POM121L2: variants seen among roughly 807,000 people sequenced by gnomAD.
POM121L2 encodes the protein POM121 transmembrane nucleoporin like 2.
For synonymous variants in POM121L2, 459 were observed against 483.8 expected (o/e 0.95, Z 0.67); for missense variants, 1,167 against 1,260.3 (o/e 0.93, Z 1.12).
Position 27,312,180 on chromosome 6 carries a change from T to A in POM121L2, c.-10A>T. 4 of 1,430,566 alleles carry A rather than the reference T, an allele frequency of 2.8e-6. No homozygotes were observed. The highest frequency in any genetic ancestry group is 3.7e-6 in the Non-Finnish European group (4 of 1,089,530). The allele number at this position is 1,430,566 out of a possible 1,614,324, so 88.6% of individuals were successfully genotyped here. A position where few individuals can be genotyped will look rare whatever the true frequency, so the allele number is the denominator to read the frequency against. ...TCAGGAAACTGCCCATGAGGAGAGA[T>A]GAGGCGCGGGCAGTGAGTTCAAGCA... On this transcript the variant is annotated 5_prime_UTR_variant, in exon 1 of 1. Coordinates refer to ENST00000444565, the MANE Select transcript of POM121L2 (RefSeq NM_033482.4). The surrounding 1 kb of genome is among the most constrained non-coding windows in gnomAD (Gnocchi z 6.7).
chr6:27,310,597 G>A lies in POM121L2; in HGVS notation c.1574C>T (p.Pro525Leu). The A allele has an allele frequency of 6.4e-7, 1 of 1,551,992 alleles. No homozygotes were observed. The highest frequency in any genetic ancestry group is 8.7e-7 in the Non-Finnish European group (1 of 1,147,046). ...CATGAGGTGAGCAGAAGTTGCATCA[G>A]GAGGTGCAGATGCAGAAAGATGGGA... Reference protein sequence around the residue: ...PTSHLSASAPPDATSAHLMLK... With the variant: ...PTSHLSASAPLDATSAHLMLK... The change falls in exon 1 of 1, where the codon CCT (proline) becomes CTT (leucine). Residue 525 changes from proline (P) to leucine (L), a missense_variant. Pro to Leu is a moderately conservative substitution (Grantham distance 98). Coordinates refer to ENST00000444565, the MANE Select transcript of POM121L2 (RefSeq NM_033482.4).
At position 27,309,846 on chromosome 6, in the gene POM121L2, T is replaced by C; in HGVS notation, c.2325A>G (p.Ala775=). 1.9e-6 allele frequency: 3 copies of C among 1,551,726 alleles called. No homozygotes were observed. Among genetic ancestry groups the C allele is most frequent in the African/African-American group, 1.4e-5 (1 of 73,174 alleles). ...GTTTCTGTCCATTTGTGGCACCAAATGCAGGCTGGGGATTAGCTCCTTGGG... is the reference window on the plus strand; with the variant it reads ...GTTTCTGTCCATTTGTGGCACCAAACGCAGGCTGGGGATTAGCTCCTTGGG... ...PLSQGANPQP[A]FGATNGQKQG... The change falls in exon 1 of 1, where the codon GCA becomes GCG. Residue 775 remains alanine, a synonymous_variant. Transcript: ENST00000444565.
At position 27,310,767 on chromosome 6, in the gene POM121L2, C is replaced by T; in HGVS notation, c.1404G>A (p.Leu468=). Residue 468 remains leucine (L), a synonymous_variant, in exon 1 of 1, where the codon CTG becomes CTA. Coordinates refer to ENST00000444565, the MANE Select transcript of POM121L2 (RefSeq NM_033482.4). ...CTGGTAATGTGGGAGAGGTGGGGGT[C>T]AGCAGGATGAAAGTAGCTGTGGGCT... The part of the protein sequence containing the change: ...DSKPTATFIL[L]TPTSPTLPVT... The T allele has an allele frequency of 6.4e-7, 1 of 1,551,728 alleles. No individual in the cohort carries two copies. Among genetic ancestry groups the T allele is most frequent in the Non-Finnish European group, 8.7e-7 (1 of 1,147,016 alleles).
In POM121L2 at chr6:27,311,596, C is replaced by A; in HGVS notation, c.575G>T (p.Arg192Ile). The A allele has an allele frequency of 6.4e-7, 1 of 1,551,756 alleles. No homozygotes were observed. Among genetic ancestry groups the A allele is most frequent in the Non-Finnish European group, 8.7e-7 (1 of 1,147,010 alleles). Residue 192 changes from arginine (R) to isoleucine (I), a missense_variant, in exon 1 of 1, where the codon AGA (arginine) becomes ATA (isoleucine). Coordinates refer to ENST00000444565, the MANE Select transcript of POM121L2 (RefSeq NM_033482.4). Reference sequence around the variant, plus strand: ...CATCAGGGGCTTAAATGCCGATGGTCTGGTCTCTGGACTCCTTCTCTTACT... The same window carrying A: ...CATCAGGGGCTTAAATGCCGATGGTATGGTCTCTGGACTCCTTCTCTTACT... ...LDSKRRSPET[R>I]PSAFKPLMKN...
Position 27,309,533 on chromosome 6 carries a change from C to G in POM121L2, c.2638G>C (p.Val880Leu), listed in dbSNP as rs1356265735. Residue 880 changes from valine to leucine, a missense_variant, in exon 1 of 1, where the codon GTG (valine) becomes CTG (leucine). By Grantham distance (32) the Val-to-Leu change is conservative. Coordinates refer to ENST00000444565, the MANE Select transcript of POM121L2 (RefSeq NM_033482.4). ...GGTTGTGGAGCTCTGCTGCCAAACA[C>G]TGAGCCAAAAGCCCCACTTTGGTGG... ...QTHQSGAFGS[V>L]FGSRAPQPFT... 6.4e-7 allele frequency: 1 copy of G among 1,552,124 alleles called. No homozygotes were observed. The highest frequency in any genetic ancestry group is 8.7e-7 in the Non-Finnish European group (1 of 1,147,090).
Position 27,310,834 on chromosome 6 carries a change from C to T in POM121L2, c.1337G>A (p.Cys446Tyr). The T allele has an allele frequency of 6.4e-7, 1 of 1,551,632 alleles. No homozygotes were observed. The highest frequency in any genetic ancestry group is 8.7e-7 in the Non-Finnish European group (1 of 1,146,962). Residue 446 changes from cysteine to tyrosine, a missense_variant, in exon 1 of 1, where the codon TGC becomes TAC. Transcript: ENST00000444565. ...GCCTGGAAGGAGCTCTGACTGTGAG[C>T]ACCCAGGTGGGGTCGGTAGGCTGGG... ...KTPSLPTPPG[C>Y]SQSELLPGTS... is the part of the protein sequence containing the mutation.
In POM121L2 at chr6:27,310,078, G is replaced by C; in HGVS notation, c.2093C>G (p.Thr698Arg). ...AAGGACCTGGGTAAACATGGTGACT[G>C]TATGCACAGTAGGAATTGTAGGATG... is the stretch of plus-strand genomic sequence containing the variant. ...HHHPTIPTVH[T>R]VTMFTQVLSS... is the part of the protein sequence containing the mutation. The change falls in exon 1 of 1, where the codon ACA becomes AGA. Residue 698 changes from threonine to arginine, a missense_variant. Physicochemically the swap from Thr to Arg is moderately conservative, Grantham distance 71. Coordinates refer to ENST00000444565, the MANE Select transcript of POM121L2 (RefSeq NM_033482.4). 1 of 1,552,216 alleles carries C rather than the reference G, an allele frequency of 6.4e-7. No individual in the cohort carries two copies. Among genetic ancestry groups the C allele is most frequent in the Non-Finnish European group, 8.7e-7 (1 of 1,147,108 alleles).
rs955380944 is a variant in POM121L2 at position 27,308,733 on chromosome 6, C to A, written c.*330G>T. Among the ~76,000 whole-genome samples the A allele has an allele frequency of 6.6e-6, 1 of 152,146 alleles. No individual in the cohort carries two copies. The highest frequency in any genetic ancestry group is 1.5e-5 in the Non-Finnish European group (1 of 68,024). The stretch of plus-strand genomic sequence containing the variant: ...ACGAAAAGATGTTCTAATTGATAGA[C>A]ATTCAACTTATTTGGAAAGTCTGGA... On this transcript the variant is annotated 3_prime_UTR_variant, in exon 1 of 1. Transcript: ENST00000444565.
upstream of POM121L2, chr6:27,311,338 GATACACT>G: frequency 6.4e-7 from 1 of 1,551,650 alleles, no homozygotes; most frequent in Non-Finnish European, 8.7e-7. Context: ...TGTCTCGAAT[GATACACT>G]GGGAACACTT....
In POM121L2 at chr6:27,311,907, G is replaced by C. The variant is rs538835313; in HGVS notation, c.264C>G (p.Pro88=). The part of the protein sequence containing the change: ...RFPMKKSQNS[P]LGPLPSDWWE... Reference sequence around the variant, plus strand: ...ACCAGTCTGAAGGGAGAGGCCCCAGGGGGGAATTCTGGGACTTCTTCATGG... The same window carrying C: ...ACCAGTCTGAAGGGAGAGGCCCCAGCGGGGAATTCTGGGACTTCTTCATGG... Residue 88 remains proline, a synonymous_variant, in exon 1 of 1, where the codon CCC becomes CCG. Transcript: ENST00000444565. 2.6e-6 allele frequency: 4 copies of C among 1,551,704 alleles called. No homozygotes were observed. In the East Asian group the frequency reaches 7.3e-5, roughly 28 times the overall value.
In POM121L2 at chr6:27,309,923, G is replaced by A; in HGVS notation, c.2248C>T (p.Pro750Ser). Residue 750 changes from proline (P) to serine (S), a missense_variant, in exon 1 of 1, where the codon CCA becomes TCA. Physicochemically the swap from Pro to Ser is moderately conservative, Grantham distance 74. Transcript: ENST00000444565. Reference protein sequence around the residue: ...ASTPSISNLTPAITSPLGSSS... With the variant: ...ASTPSISNLTSAITSPLGSSS... ...GATCCCAAGGGACTTGTGATTGCTGGAGTCAGGTTGGAGATGCTGGGGGTT... is the reference window on the plus strand; with the variant it reads ...GATCCCAAGGGACTTGTGATTGCTGAAGTCAGGTTGGAGATGCTGGGGGTT... The A allele has an allele frequency of 1.3e-6, 2 of 1,551,768 alleles. No homozygotes were observed. The highest frequency in any genetic ancestry group is 1.7e-6 in the Non-Finnish European group (2 of 1,147,008).
rs1760705801 is a variant in POM121L2 at position 27,309,040 on chromosome 6, G to A, written c.*23C>T. 2.6e-6 allele frequency: 4 copies of A among 1,512,388 alleles called. No homozygotes were observed. The East Asian group carries it at 7.4e-5, about 28-fold the overall frequency. The allele number at this position is 1,512,388 out of a possible 1,614,324, so 93.7% of individuals were successfully genotyped here. On this transcript the variant is annotated 3_prime_UTR_variant, in exon 1 of 1. Coordinates refer to ENST00000444565, the MANE Select transcript of POM121L2 (RefSeq NM_033482.4). ...AAACAATACTGAGGTCTAAATCAGGGTGCAAGTGACAGGGAACACAGGCTA... is the reference window on the plus strand; with the variant it reads ...AAACAATACTGAGGTCTAAATCAGGATGCAAGTGACAGGGAACACAGGCTA...
rs529638092 is a variant in POM121L2 at position 27,311,080 on chromosome 6, C to T, written c.1091G>A (p.Gly364Glu). The stretch of plus-strand genomic sequence containing the variant: ...TGTGTTGACCTCAGTTGTATCTTCT[C>T]CTGCGTTGTTGCTTACCTGTAGCTC... ...KAELQVSNNAGEDTTEVNTDP... is the reference protein window; with the variant it reads ...KAELQVSNNAEEDTTEVNTDP... Residue 364 changes from glycine to glutamate, a missense_variant, in exon 1 of 1, where the codon GGA becomes GAA. Transcript: ENST00000444565. The T allele has an allele frequency of 9.0e-6, 14 of 1,551,920 alleles. No homozygotes were observed. The East Asian group carries it at 3.2e-4, about 35-fold the overall frequency.
chr6:27,310,680 G>A lies in POM121L2; in HGVS notation c.1491C>T (p.Asp497=). 1.9e-6 allele frequency: 3 copies of A among 1,551,942 alleles called. No individual in the cohort carries two copies. Among genetic ancestry groups the A allele is most frequent in the Non-Finnish European group, 1.7e-6 (2 of 1,147,066 alleles). ...SQADRSPMPP[D]PPAPPTIQST... is the part of the protein sequence containing the mutation. ...TTTGGATGGTGGGTGGTGCAGGTGGGTCTGGGGGCATGGGAGACCTGTCAG... is the reference window on the plus strand; with the variant it reads ...TTTGGATGGTGGGTGGTGCAGGTGGATCTGGGGGCATGGGAGACCTGTCAG... Residue 497 remains aspartate, a synonymous_variant, in exon 1 of 1, where the codon GAC becomes GAT. Coordinates refer to ENST00000444565, the MANE Select transcript of POM121L2 (RefSeq NM_033482.4).
chr6:27,311,836 C>G lies in POM121L2; in HGVS notation c.335G>C (p.Arg112Thr). Residue 112 changes from arginine (R) to threonine (T), a missense_variant, in exon 1 of 1, where the codon AGG (arginine) becomes ACG (threonine). Physicochemically the swap from Arg to Thr is moderately conservative, Grantham distance 71 (BLOSUM62 -1). Transcript: ENST00000444565. The part of the protein sequence containing the change: ...KRTIWSLRHP[R>T]PIWSPVTIRI... ...GATGGTCACTGGGCTCCAAATTGGC[C>G]TGGGATGTCGAAGAGACCAAATAGT... 6.4e-7 allele frequency: 1 copy of G among 1,551,762 alleles called. No homozygotes were observed. Among genetic ancestry groups the G allele is most frequent in the Non-Finnish European group, 8.7e-7 (1 of 1,147,006 alleles).
rs1760711191 is a variant in POM121L2, at chr6:27,309,332, G to T, written c.2839C>A (p.Pro947Thr). The T allele has an allele frequency of 1.3e-6, 2 of 1,551,328 alleles. No individual in the cohort carries two copies. Among genetic ancestry groups the T allele is most frequent in the Non-Finnish European group, 1.7e-6 (2 of 1,146,870 alleles). ...KGWSQNTEGL[P>T]SHRTAFSLGR... ...AAGGAAAAAGCTGTGCGGTGGCTGG[G>T]CAGGCCTTCAGTGTTCTGGCTCCAG... The change falls in exon 1 of 1, where the codon CCC becomes ACC. Residue 947 changes from proline to threonine, a missense_variant. Pro to Thr is a conservative substitution (Grantham distance 38). Coordinates refer to ENST00000444565, the MANE Select transcript of POM121L2 (RefSeq NM_033482.4).
rs1214638460 is a variant in POM121L2, at chr6:27,311,604, T to C, written c.567A>G (p.Pro189=). ...PESLDSKRRS[P]ETRPSAFKPL... is the part of the protein sequence containing the mutation. ...GCTTAAATGCCGATGGTCTGGTCTC[T>C]GGACTCCTTCTCTTACTGTCCAGAC... is the stretch of plus-strand genomic sequence containing the variant. The change falls in exon 1 of 1, where the codon CCA becomes CCG. Residue 189 remains proline (P), a synonymous_variant. Coordinates refer to ENST00000444565, the MANE Select transcript of POM121L2 (RefSeq NM_033482.4). 6.4e-7 allele frequency: 1 copy of C among 1,551,790 alleles called. No homozygotes were observed.
At position 27,310,386 on chromosome 6, in the gene POM121L2, AG is replaced by A. The variant is rs945815203; in HGVS notation, c.216+710del. ...GAGGAGGGGTCTGCTTGGAGGAGAA[AG>A]GAGCTATCATGGGCGTAGTTTTAAG... On this transcript the variant is annotated intron_variant, in intron 1 of 1. Coordinates refer to the POM121L2 transcript ENST00000429945. 1.9e-6 allele frequency: 3 copies of A among 1,552,026 alleles called. No individual in the cohort carries two copies. The African/African-American group carries it at 4.1e-5, about 21-fold the overall frequency.
rs1296598053 is a variant in POM121L2 at position 27,311,529 on chromosome 6, C to T, written c.642G>A (p.Pro214=). 3.9e-6 allele frequency: 6 copies of T among 1,551,746 alleles called. No homozygotes were observed. Among genetic ancestry groups the T allele is most frequent in the African/African-American group, 1.4e-5 (1 of 73,178 alleles). Residue 214 remains proline (P), a synonymous_variant, in exon 1 of 1, where the codon CCG becomes CCA. Coordinates refer to ENST00000444565, the MANE Select transcript of POM121L2 (RefSeq NM_033482.4). ...CCCAGGAGTGGAGACTTCTCTTCAG[C>T]GGCCCAGGCCTGGGCACAAAAGAAG... ...TLTSFVPRPG[P]LKRSLHSWGS...
Sources: allele counts gnomAD v4.1 joint callset (sites outside exome capture counted in the v4.1 genomes callset), GRCh38; gene constraint gnomAD v4.1.1; non-coding constraint Gnocchi (gnomAD v3.1); transcripts MANE v1.5; gene names NCBI Gene and HGNC (gene_info 2026-07-23, HGNC 2026-07-21).